SMYD3: variants seen among roughly 807,000 people sequenced by gnomAD.
The protein encoded by SMYD3 is SET and MYND domain containing 3, also known as histone-lysine N-methyltransferase SMYD3.
In SMYD3, 36 loss-of-function variants were observed where a neutral mutation model predicts 57.7. The ratio of observed to expected loss-of-function variants is 0.62; its 90% CI spans 0.48 to 0.82. The LOEUF (loss-of-function observed/expected upper bound fraction) is 0.82. Among genes scored for constraint, SMYD3 ranks in the 40% least tolerant of loss-of-function variants. The probability of loss-of-function intolerance (pLI) is 0.00; values close to 1 mark genes in which losing one functional copy is unlikely to be tolerated. For synonymous variants in SMYD3, 211 were observed against 195.0 expected, an observed-to-expected ratio of 1.08 and a Z score of -0.68; for missense variants, 515 against 538.8, an observed-to-expected ratio of 0.96 and a Z score of 0.44.
intron 5 of SMYD3, among the ~76,000 whole-genome samples, chr1:246,167,322 C>T (rs2062233515): frequency 6.6e-6 from 1 of 152,030 alleles, no homozygotes; most frequent in South Asian, 2.1e-4. Flanking sequence ...CTGGGTCATA[C>T]ATCAACTTTT....
chr1:246,438,026 T>C (rs2067405455), intron 1 of SMYD3, among the ~76,000 whole-genome samples: 3 of 151,730 alleles, frequency 2.0e-5, no homozygotes, highest in African/African-American at 4.8e-5. Context: ...GGGAGATTAC[T>C]ATAGGGTTAA....
chr1:245,883,136 T>A (rs2052881860), intron 8 of SMYD3, among the ~76,000 whole-genome samples: 1 of 152,106 alleles, frequency 6.6e-6, no homozygotes, highest in Admixed American at 6.5e-5. Context: ...GTAAAAACAA[T>A]CCCTTGAAGC....
At chr1:246,283,220 G>A (rs2148576932) in intron 5 of SMYD3, among the ~76,000 whole-genome samples, 1 of 152,280 alleles carries the variant, frequency 6.6e-6, no homozygotes, top group Middle Eastern at 3.4e-3. Context: ...ATGTAATCTT[G>A]GGCATGTCAT....
At chr1:246,037,513 C>T (rs968074004) in intron 5 of SMYD3, among the ~76,000 whole-genome samples, 1 of 152,334 alleles carries the variant, frequency 6.6e-6, no homozygotes, top group East Asian at 1.9e-4. Flanking sequence ...TTCCATCCTG[C>T]TTCAAGGACA....
chr1:245,767,538 G>A (rs1392295366), intron 10 of SMYD3, among the ~76,000 whole-genome samples: 3 of 152,212 alleles, frequency 2.0e-5, no homozygotes, highest in Non-Finnish European at 2.9e-5. Flanking sequence ...GGGAGCAGCC[G>A]GGACCACAGT....
intron 5 of SMYD3, among the ~76,000 whole-genome samples, chr1:245,990,941 T>TAA (rs2058801304): frequency 6.6e-6 from 1 of 152,220 alleles, no homozygotes; most frequent in Non-Finnish European, 1.5e-5. Context: ...TTCCAAACAG[T>TAA]AGTGCTGTTT....
intron 5 of SMYD3, among the ~76,000 whole-genome samples, chr1:246,225,988 A>G (rs1459070468): frequency 1.3e-5 from 2 of 152,190 alleles, no homozygotes; most frequent in African/African-American, 4.8e-5. Flanking sequence ...CCAATAATGA[A>G]GGCCAATGTA....
intron 1 of SMYD3, among the ~76,000 whole-genome samples, chr1:246,504,641 T>C (rs2068508162): frequency 6.6e-6 from 1 of 152,188 alleles, no homozygotes; most frequent in Non-Finnish European, 1.5e-5. Context: ...AACTGTTAAT[T>C]GCTACAAACT....
At chr1:246,068,482 A>C (rs1196645868) in intron 5 of SMYD3, among the ~76,000 whole-genome samples, 2 of 152,196 alleles carry the variant, frequency 1.3e-5, no homozygotes, top group Non-Finnish European at 2.9e-5. Flanking sequence ...AAATGGTTAA[A>C]GTCTTTGCTG....
At chr1:246,427,534 T>TA (rs1298094686) in intron 1 of SMYD3, among the ~76,000 whole-genome samples, 5 of 81,212 alleles carry the variant, frequency 6.2e-5, no homozygotes, top group Non-Finnish European at 1.3e-4. Flanking sequence ...AAAAAAAAAA[T>TA]AAAAAAAAAT....
intron 5 of SMYD3, among the ~76,000 whole-genome samples, chr1:246,283,577 G>A (rs913446257): frequency 2.6e-5 from 4 of 152,098 alleles, no homozygotes; most frequent in Non-Finnish European, 5.9e-5. Context: ...ATATACCTGT[G>A]TATGTTTAAT....
chr1:246,109,235 A>G (rs1448776159), intron 5 of SMYD3, among the ~76,000 whole-genome samples: 4 of 152,208 alleles, frequency 2.6e-5, no homozygotes, highest in Non-Finnish European at 1.5e-5. Context: ...TTGGAACTGT[A>G]CCATGTTACA....
chr1:245,904,920 G>A (rs1366881402), intron 8 of SMYD3, among the ~76,000 whole-genome samples: 1 of 151,624 alleles, frequency 6.6e-6, no homozygotes, highest in Non-Finnish European at 1.5e-5. Flanking sequence ...CAGCAGGAGA[G>A]GGCACCAGCA....
chr1:246,475,383 C>T (rs931852638), intron 1 of SMYD3, among the ~76,000 whole-genome samples: 1 of 151,602 alleles, frequency 6.6e-6, no homozygotes, highest in East Asian at 1.9e-4. Flanking sequence ...TGGCTCACAC[C>T]TGTAATCACA....
At chr1:246,484,860 C>G (rs1247976674) in intron 1 of SMYD3, among the ~76,000 whole-genome samples, 1 of 107,562 alleles carries the variant, frequency 9.3e-6, no homozygotes, top group Admixed American at 9.8e-5. Flanking sequence ...AACTACTGCA[C>G]TAGTTACACC....
chr1:246,326,140 C>T, intron 5 of SMYD3: 1 of 381,076 alleles, frequency 2.6e-6, no homozygotes, highest in Non-Finnish European at 4.6e-6. Flanking sequence ...TTTCAGAAAA[C>T]AGTAAATTTT....
At chr1:246,223,737 C>G (rs1040672568) in intron 5 of SMYD3, among the ~76,000 whole-genome samples, 3 of 152,082 alleles carry the variant, frequency 2.0e-5, no homozygotes, top group African/African-American at 7.3e-5. Flanking sequence ...TACCCCTTCT[C>G]TGTTTTCCTC....
chr1:245,804,251 C>T (rs535925862), intron 10 of SMYD3, among the ~76,000 whole-genome samples: 1 of 152,170 alleles, frequency 6.6e-6, no homozygotes, highest in Non-Finnish European at 1.5e-5. Context: ...CTCATGCATA[C>T]ACACACAATA....
chr1:245,768,767 T>C (rs1425213763), intron 10 of SMYD3, among the ~76,000 whole-genome samples: 3 of 152,272 alleles, frequency 2.0e-5, no homozygotes, highest in Non-Finnish European at 4.4e-5. Flanking sequence ...ACAGTGTTCC[T>C]TCCCTCCAGA....
Sources: allele counts gnomAD v4.1 joint callset (sites outside exome capture counted in the v4.1 genomes callset), GRCh38; gene constraint gnomAD v4.1.1; transcripts MANE v1.5; gene names NCBI Gene and HGNC (gene_info 2026-07-23, HGNC 2026-07-21).